The following DAB1 variants were observed in gnomAD, a reference collection of about 807,000 sequenced individuals.
DAB1 encodes disabled homolog 1.
DAB1 carries 15 observed loss-of-function variants against 64.6 expected under a neutral mutation model. The observed-to-expected ratio is 0.23, with a 90% CI of 0.16 to 0.36. The LOEUF is 0.36. Ranked by LOEUF, DAB1 falls within the 10% of genes least tolerant of loss-of-function variation. The pLI, the probability that DAB1 is intolerant of heterozygous loss-of-function variation, is 1.00. For missense variants in DAB1, 596 were observed against 706.7 expected (o/e 0.84, Z 1.78); for synonymous variants, 235 against 251.9 (o/e 0.93, Z 0.64).
chr1:58,203,579 G>C, intron 4 of DAB1, among the ~76,000 whole-genome samples: 1 of 152,160 alleles, frequency 6.6e-6, no homozygotes, highest in East Asian at 1.9e-4. Context: ...GAATCACTGG[G>C]AGACTTGTTA....
In DAB1 at chr1:57,057,830, G is replaced by A. The variant is rs1024889935; in HGVS notation, c.723+5054C>T. Reference sequence around the variant, plus strand: ...TCACTGTATTAGCCAGGATGGTCTCGATCTCCTGACCTCCTGATCCGCCCG... The same window carrying A: ...TCACTGTATTAGCCAGGATGGTCTCAATCTCCTGACCTCCTGATCCGCCCG... On this transcript the variant is annotated intron_variant, in intron 9 of 14. Transcript: ENST00000371236. 1.7e-3 allele frequency among the ~76,000 whole-genome samples: 260 copies of A among 151,910 alleles called. 1 individual carries two copies. Among genetic ancestry groups the A allele is most frequent in the Middle Eastern group, 3.4e-3 (1 of 294 alleles).
chr1:57,482,746 C>T (rs1644039483), intron 7 of DAB1, among the ~76,000 whole-genome samples: 1 of 152,146 alleles, frequency 6.6e-6, no homozygotes, highest in South Asian at 2.1e-4. Context: ...GAGATGTTTG[C>T]CTCAATACTT....
chr1:57,853,352 A>C (rs1297875151), intron 1 of DAB1, among the ~76,000 whole-genome samples: 5 of 152,162 alleles, frequency 3.3e-5, no homozygotes. Flanking sequence ...GATATACTGA[A>C]GAGGTCCAAG....
intron 2 of DAB1, among the ~76,000 whole-genome samples, chr1:57,269,749 TGAG>T (rs1470646859): frequency 2.8e-4 from 42 of 151,978 alleles, no homozygotes; most frequent in African/African-American, 1.0e-3. Context: ...ACCAGGGAGA[TGAG>T]GAGGATTTCA....
chr1:57,450,774 T>A (rs1190926839), intron 7 of DAB1, among the ~76,000 whole-genome samples: 1 of 152,206 alleles, frequency 6.6e-6, no homozygotes, highest in East Asian at 1.9e-4. Context: ...TTTAAAACAA[T>A]GAACTTCAAC....
intron 1 of DAB1, among the ~76,000 whole-genome samples, chr1:57,322,444 T>A (rs1314252689): frequency 6.6e-6 from 1 of 152,048 alleles, no homozygotes; most frequent in Non-Finnish European, 1.5e-5. Flanking sequence ...GCCAACACAC[T>A]CCATTCCCAT....
chr1:57,919,254 G>C (rs963978226), intron 5 of DAB1, among the ~76,000 whole-genome samples: 1 of 152,144 alleles, frequency 6.6e-6, no homozygotes, highest in African/African-American at 2.4e-5. Flanking sequence ...TCAAAAACTG[G>C]CAGTTCCTTT....
At chr1:57,406,756 G>C (rs1370859336) in intron 1 of DAB1, among the ~76,000 whole-genome samples, 1 of 152,154 alleles carries the variant, frequency 6.6e-6, no homozygotes, top group African/African-American at 2.4e-5. Flanking sequence ...GCAGCCAACA[G>C]GATAGAAAGG....
At chr1:58,223,277 C>T (rs1488199195) in intron 4 of DAB1, among the ~76,000 whole-genome samples, 6 of 152,168 alleles carry the variant, frequency 3.9e-5, no homozygotes, top group South Asian at 2.1e-4. Context: ...AGGCCAGGCA[C>T]GTACTCAGTT....
At chr1:57,629,213 T>C (rs1011759395) in intron 7 of DAB1, among the ~76,000 whole-genome samples, 1 of 152,216 alleles carries the variant, frequency 6.6e-6, no homozygotes, top group Non-Finnish European at 1.5e-5. Context: ...GTTGCAGAAA[T>C]TCTGAGCTTA....
At position 57,062,817 on chromosome 1, in the gene DAB1, G is replaced by A. The variant is rs922282518; in HGVS notation, c.723+67C>T. 5.9e-6 allele frequency: 8 copies of A among 1,344,552 alleles called. No individual in the cohort carries two copies. The African/African-American group carries it at 1.2e-4, about 19-fold the overall frequency. 83.3% of individuals were successfully genotyped at this position (1,344,552 alleles called of 1,614,324 possible). On this transcript the variant is annotated intron_variant, in intron 9 of 14. Coordinates refer to ENST00000371236, the MANE Select transcript of DAB1 (RefSeq NM_001365792.1). ...TCCAGGAGAAGGGTTTCCTTCCGCA[G>A]GCTGTAGACAGCCTCAGTGTGAATC...
chr1:58,434,056 G>C (rs550366634), intron 3 of DAB1, among the ~76,000 whole-genome samples: 174 of 152,248 alleles, frequency 1.1e-3, no homozygotes, highest in Middle Eastern at 6.8e-3. Context: ...ACATCAAAAA[G>C]AGAAATATAA....
chr1:57,724,689 A>G (rs1290047207), intron 6 of DAB1, among the ~76,000 whole-genome samples: 1 of 152,136 alleles, frequency 6.6e-6, no homozygotes, highest in Non-Finnish European at 1.5e-5. Flanking sequence ...CTGAGCTCCC[A>G]TCCTAAGAAC....
chr1:57,907,559 G>A (rs1359064597), intron 5 of DAB1, among the ~76,000 whole-genome samples: 1 of 152,146 alleles, frequency 6.6e-6, no homozygotes, highest in Non-Finnish European at 1.5e-5. Flanking sequence ...ATATGTATTA[G>A]CTGTCAACGA....
intron 5 of DAB1, among the ~76,000 whole-genome samples, chr1:57,916,274 G>A (rs1265002879): frequency 1.3e-5 from 2 of 152,138 alleles, no homozygotes; most frequent in Admixed American, 6.5e-5. Context: ...CTCTCTCCCA[G>A]ACAATGAAAT....
At chr1:58,334,164 G>T (rs1663041647) in intron 4 of DAB1, among the ~76,000 whole-genome samples, 1 of 152,124 alleles carries the variant, frequency 6.6e-6, no homozygotes, top group African/African-American at 2.4e-5. Flanking sequence ...TTAGACACTT[G>T]TCATATCCAA....
chr1:57,869,035 C>G lies in DAB1; in HGVS notation n.87+14964G>C, dbSNP rs555016465. ...TCAGTATCTCCTGGCCTCCCTAAGACTTGTTATCTCTATTTCTTTTATGAT... is the reference window on the plus strand; with the variant it reads ...TCAGTATCTCCTGGCCTCCCTAAGAGTTGTTATCTCTATTTCTTTTATGAT... On this transcript the variant is annotated intron_variant and non_coding_transcript_variant, in intron 1 of 1. Transcript: ENST00000477280. 1.9e-4 allele frequency among the ~76,000 whole-genome samples: 29 copies of G among 152,188 alleles called. No individual in the cohort carries two copies. In the South Asian group the frequency reaches 5.8e-3, roughly 31 times the overall value.
At chr1:57,405,791 T>A (rs144010255) in intron 1 of DAB1, among the ~76,000 whole-genome samples, 101 of 152,318 alleles carry the variant, frequency 6.6e-4, no homozygotes, top group African/African-American at 2.4e-3. Context: ...CATTAAATTA[T>A]ACCGTACCTG....
At chr1:57,031,478 G>A (rs1032332939) in intron 9 of DAB1, among the ~76,000 whole-genome samples, 9 of 152,090 alleles carry the variant, frequency 5.9e-5, no homozygotes, top group Admixed American at 1.3e-4. Flanking sequence ...CATTATCATC[G>A]TGTTTGATAC....
Sources: gnomAD v4.1 joint callset for allele counts (sites outside exome capture counted in the v4.1 genomes callset) on GRCh38, gnomAD v4.1.1 for gene constraint, MANE v1.5 for transcripts, NCBI Gene and HGNC (gene_info 2026-07-23, HGNC 2026-07-21) for gene names.